Variants in NOL4 observed in about 807,000 individuals in gnomAD.
NOL4 encodes the protein cancer/testis antigen 125.
NOL4 carries 17 observed loss-of-function variants against 75.9 expected under a neutral mutation model. That is an observed-to-expected ratio of 0.22 (90% CI 0.15 to 0.34). The LOEUF (loss-of-function observed/expected upper bound fraction) is 0.34, where lower values mean the gene tolerates loss of function less well. NOL4 is among the 10% of genes least tolerant of loss of function. The probability of loss-of-function intolerance (pLI) is 1.00; values close to 1 mark genes in which losing one functional copy is unlikely to be tolerated. For missense variants in NOL4, 614 were observed against 793.5 expected (o/e 0.77, Z 2.72); for synonymous variants, 292 against 289.9 (o/e 1.01, Z -0.07).
chr18:33,861,375 G>A (rs530646122), intron 10 of NOL4, among the ~76,000 whole-genome samples: 10 of 152,274 alleles, frequency 6.6e-5, no homozygotes, highest in Middle Eastern at 3.4e-3. Context: ...GAGTGTATGC[G>A]TCAAGGAATT....
intron 1 of NOL4, among the ~76,000 whole-genome samples, chr18:34,216,774 T>G (rs192432610): frequency 1.1e-4 from 16 of 151,922 alleles, no homozygotes; most frequent in Admixed American, 9.2e-4. Flanking sequence ...AATTTGTAAT[T>G]GGTAAAATAA....
chr18:34,001,950 C>T (rs1285590942), intron 6 of NOL4, among the ~76,000 whole-genome samples: 1 of 152,066 alleles, frequency 6.6e-6, no homozygotes, highest in Non-Finnish European at 1.5e-5. Context: ...AGGCAATTAT[C>T]TTCAAACTGG....
chr18:34,010,238 A>G (rs1306991514), intron 6 of NOL4, among the ~76,000 whole-genome samples: 1 of 151,912 alleles, frequency 6.6e-6, no homozygotes, highest in Non-Finnish European at 1.5e-5. Flanking sequence ...GCTTCCACGT[A>G]TGAGTAAACA....
intron 2 of NOL4, 150 bp from the exon 3 acceptor site, chr18:34,105,310 C>A: frequency 5.2e-6 from 3 of 578,976 alleles, no homozygotes; most frequent in South Asian, 4.2e-5. Context: ...TGCATCATTT[C>A]AAGAAATATC....
intron 1 of NOL4, chr18:34,221,364 T>C (rs1326925335): frequency 6.6e-6 from 1 of 152,234 alleles, no homozygotes; most frequent in Non-Finnish European, 1.5e-5. Flanking sequence ...ATTATTTTTC[T>C]ACATCATTTC....
At chr18:34,030,864 A>T (rs2075604701) in intron 5 of NOL4, among the ~76,000 whole-genome samples, 1 of 152,216 alleles carries the variant, frequency 6.6e-6, no homozygotes, top group African/African-American at 2.4e-5. Context: ...AATAAAATTT[A>T]AAAAGATGAT....
chr18:34,196,873 G>T (rs2035366742), intron 1 of NOL4, among the ~76,000 whole-genome samples: 2 of 151,968 alleles, frequency 1.3e-5, no homozygotes, highest in South Asian at 4.1e-4. Context: ...ATATACTTCT[G>T]ATAACAGTCT....
At chr18:33,984,277 G>C (rs930323861) in intron 6 of NOL4, among the ~76,000 whole-genome samples, 2 of 151,972 alleles carry the variant, frequency 1.3e-5, no homozygotes, top group African/African-American at 4.8e-5. Flanking sequence ...TCTTACCCTA[G>C]GGTCAAATAT....
intron 6 of NOL4, among the ~76,000 whole-genome samples, chr18:34,002,926 T>C (rs17747955): frequency 0.44 from 66,897 of 151,860 alleles, 15,225 homozygotes; most frequent in Non-Finnish European, 0.49. Context: ...GATAAAAACC[T>C]GGGATCATGA....
chr18:33,953,413 G>A (rs1205845403), intron 8 of NOL4, among the ~76,000 whole-genome samples: 2 of 151,986 alleles, frequency 1.3e-5, no homozygotes, highest in African/African-American at 4.8e-5. Context: ...AAAGTAGGGA[G>A]TTGAGTTAGG....
chr18:33,979,539 T>C (rs1332189755), intron 6 of NOL4, among the ~76,000 whole-genome samples: 2 of 152,024 alleles, frequency 1.3e-5, no homozygotes, highest in African/African-American at 4.8e-5. Context: ...TTAAAAATAC[T>C]ATAACAGGTC....
At chr18:34,146,451 CA>C (rs1458370740) in intron 1 of NOL4, among the ~76,000 whole-genome samples, 8 of 152,236 alleles carry the variant, frequency 5.3e-5, no homozygotes, top group African/African-American at 1.9e-4. Context: ...AATGGCTAGC[CA>C]GTTTTCCCAA....
At chr18:33,882,087 A>T (rs2064319468) in intron 10 of NOL4, among the ~76,000 whole-genome samples, 2 of 152,202 alleles carry the variant, frequency 1.3e-5, no homozygotes, top group African/African-American at 4.8e-5. Flanking sequence ...CGTTAGACCT[A>T]AAACCATAAA....
intron 5 of NOL4, among the ~76,000 whole-genome samples, chr18:34,060,022 A>G (rs1327658580): frequency 6.6e-6 from 1 of 152,124 alleles, no homozygotes; most frequent in Non-Finnish European, 1.5e-5. Context: ...TCCCACCAAC[A>G]CTGGGAGAAG....
chr18:33,938,113 TATCTA>T (rs1229752514), intron 9 of NOL4, among the ~76,000 whole-genome samples: 2 of 152,046 alleles, frequency 1.3e-5, no homozygotes, highest in South Asian at 2.1e-4. Context: ...GCATTAGTTT[TATCTA>T]ATATAAACTC....
At chr18:33,953,879 G>A (rs745663081) in intron 8 of NOL4, among the ~76,000 whole-genome samples, 3 of 152,086 alleles carry the variant, frequency 2.0e-5, no homozygotes, top group East Asian at 1.9e-4. Context: ...GGCTAAACAC[G>A]GAACTGTAGT....
chr18:34,212,348 T>G (rs1206714922), intron 1 of NOL4, among the ~76,000 whole-genome samples: 1 of 152,200 alleles, frequency 6.6e-6, no homozygotes, highest in Non-Finnish European at 1.5e-5. Context: ...CATAAGGTAT[T>G]AGAGAAAAAG....
At chr18:34,125,337 T>C (rs1288299373) in intron 2 of NOL4, among the ~76,000 whole-genome samples, 1 of 152,190 alleles carries the variant, frequency 6.6e-6, no homozygotes, top group Non-Finnish European at 1.5e-5. Context: ...AATTATATCA[T>C]ATATGTGAGT....
At chr18:33,978,131 C>T (rs910686288) in intron 6 of NOL4, among the ~76,000 whole-genome samples, 9 of 152,124 alleles carry the variant, frequency 5.9e-5, no homozygotes, top group Non-Finnish European at 8.8e-5. Flanking sequence ...GACCAGTTGG[C>T]CGCTATCTGC....
Sources: allele counts gnomAD v4.1 joint callset (sites outside exome capture counted in the v4.1 genomes callset), GRCh38; gene constraint gnomAD v4.1.1; transcripts MANE v1.5; gene names NCBI Gene and HGNC (gene_info 2026-07-23, HGNC 2026-07-21).